The following LAMA2 variants were observed in gnomAD, a reference collection of about 807,000 sequenced individuals.
LAMA2 encodes the protein laminin subunit alpha 2, also known as laminin subunit alpha-2.
LAMA2 carries 269 observed loss-of-function variants against 364.8 expected under a neutral mutation model. The observed-to-expected ratio is 0.74, with a 90% CI of 0.67 to 0.82. The LOEUF is 0.82. LAMA2 is among the 40% of genes least tolerant of loss of function. The pLI is 0.00. For synonymous variants in LAMA2, 1,379 were observed against 1,370.6 expected, an observed-to-expected ratio of 1.01 and a Z score of -0.14; for missense variants, 3,807 against 3,873.2, an observed-to-expected ratio of 0.98 and a Z score of 0.45.
At chr6:128,979,788 T>G (rs1782753319) in intron 1 of LAMA2, among the ~76,000 whole-genome samples, 1 of 152,220 alleles carries the variant, frequency 6.6e-6, no homozygotes, top group African/African-American at 2.4e-5. Flanking sequence ...CAGCAAAGCT[T>G]AACAGACTAA....
intron 17 of LAMA2, among the ~76,000 whole-genome samples, chr6:129,277,698 C>T (rs1382615033): frequency 6.6e-6 from 1 of 152,048 alleles, no homozygotes; most frequent in Non-Finnish European, 1.5e-5. Flanking sequence ...CTGTGCCTGC[C>T]CTAACCAGCT....
chr6:128,897,341 A>G (rs191381867), intron 1 of LAMA2, among the ~76,000 whole-genome samples: 149 of 151,456 alleles, frequency 9.8e-4, no homozygotes, highest in Non-Finnish European at 1.9e-3. Flanking sequence ...TTTTTTTTTT[A>G]AAGACTCCTT....
chr6:129,416,098 G>A lies in LAMA2; in HGVS notation c.5866-11654G>A, dbSNP rs546691420. ...CAAGTAGCTGGGACTACAGGCGCCC[G>A]CCACTACGCCCGGCTAATTTTTTTG... is the stretch of plus-strand genomic sequence containing the variant. On this transcript the variant is annotated intron_variant, in intron 40 of 64. Coordinates refer to ENST00000421865, the MANE Select transcript of LAMA2 (RefSeq NM_000426.4). 1.6e-4 allele frequency among the ~76,000 whole-genome samples: 15 copies of A among 96,354 alleles called. 5 individuals are homozygous for A. In the South Asian group the frequency reaches 3.6e-3, roughly 23 times the overall value. The allele number at this position is 96,354 out of a possible 152,430, so 63.2% of individuals were successfully genotyped here. A position where few individuals can be genotyped will look rare whatever the true frequency, so the allele number is the denominator to read the frequency against.
At chr6:129,280,562 A>G (rs1788650770) in intron 18 of LAMA2, among the ~76,000 whole-genome samples, 2 of 152,156 alleles carry the variant, frequency 1.3e-5, no homozygotes, top group Non-Finnish European at 2.9e-5. Flanking sequence ...GTGGTTCATA[A>G]TTTACTTTAA....
At chr6:129,461,246 G>A (rs1245515080) in intron 49 of LAMA2, among the ~76,000 whole-genome samples, 6 of 151,914 alleles carry the variant, frequency 3.9e-5, no homozygotes, top group Non-Finnish European at 5.9e-5. Flanking sequence ...ATATACATAC[G>A]TTTCTAGGAC....
chr6:128,984,027 G>A (rs1410342902), intron 1 of LAMA2, among the ~76,000 whole-genome samples: 1 of 152,050 alleles, frequency 6.6e-6, no homozygotes, highest in African/African-American at 2.4e-5. Context: ...TCAGAACCTA[G>A]TAAACATTGC....
chr6:129,427,003 A>G (rs1287295295), intron 40 of LAMA2, among the ~76,000 whole-genome samples: 1 of 152,342 alleles, frequency 6.6e-6, no homozygotes, highest in East Asian at 1.9e-4. Flanking sequence ...CTCTTGGTAT[A>G]TATGAATTAT....
chr6:128,903,978 C>A (rs928854980), intron 1 of LAMA2, among the ~76,000 whole-genome samples: 7 of 152,140 alleles, frequency 4.6e-5, no homozygotes, highest in African/African-American at 1.7e-4. Flanking sequence ...CTCAAAGGAG[C>A]CCTTAGAGTG....
intron 35 of LAMA2, among the ~76,000 whole-genome samples, chr6:129,391,265 G>A (rs921874391): frequency 6.6e-6 from 1 of 152,012 alleles, no homozygotes; most frequent in Non-Finnish European, 1.5e-5. Context: ...GAAACACCAT[G>A]CTTTAATTGC....
At chr6:129,380,413 A>T (rs889237177) in intron 34 of LAMA2, among the ~76,000 whole-genome samples, 4 of 152,186 alleles carry the variant, frequency 2.6e-5, no homozygotes, top group African/African-American at 9.7e-5. Context: ...AGCTGGATAT[A>T]TGATAAACAA....
At chr6:128,888,914 T>C (rs1776294803) in intron 1 of LAMA2, among the ~76,000 whole-genome samples, 1 of 152,224 alleles carries the variant, frequency 6.6e-6, no homozygotes, top group African/African-American at 2.4e-5. Context: ...TTTAGATTTA[T>C]CTCTTGTCCC....
chr6:129,103,090 C>T (rs1477398023), intron 4 of LAMA2, among the ~76,000 whole-genome samples: 1 of 152,224 alleles, frequency 6.6e-6, no homozygotes, highest in Non-Finnish European at 1.5e-5. Flanking sequence ...CAAAAGCTGT[C>T]ACAACGTACC....
At chr6:129,467,106 T>C (rs1311613475) in intron 51 of LAMA2, among the ~76,000 whole-genome samples, 1 of 151,636 alleles carries the variant, frequency 6.6e-6, no homozygotes, top group Non-Finnish European at 1.5e-5. Flanking sequence ...ACAACCTAAA[T>C]GTCCATCAAC....
chr6:129,067,944 C>A (rs574617568), intron 3 of LAMA2, among the ~76,000 whole-genome samples: 2 of 152,304 alleles, frequency 1.3e-5, no homozygotes, highest in East Asian at 3.9e-4. Context: ...AACCACTTTC[C>A]TGCTTTATTT....
chr6:129,319,924 AC>A (rs1321160021), intron 27 of LAMA2, among the ~76,000 whole-genome samples: 2 of 152,100 alleles, frequency 1.3e-5, no homozygotes, highest in African/African-American at 4.8e-5. Flanking sequence ...CTTGAGGTCA[AC>A]AGTTCAAGAC....
chr6:129,124,561 G>T, intron 4 of LAMA2, among the ~76,000 whole-genome samples: 1 of 152,146 alleles, frequency 6.6e-6, no homozygotes, highest in East Asian at 1.9e-4. Flanking sequence ...AGCTTATGCT[G>T]CTTCCTGGGC....
chr6:129,106,323 CTG>C (rs1775822996), intron 4 of LAMA2, among the ~76,000 whole-genome samples: 1 of 151,920 alleles, frequency 6.6e-6, no homozygotes, highest in Non-Finnish European at 1.5e-5. Context: ...AAACCCAAGA[CTG>C]TATTAAAAAA....
chr6:129,005,415 C>A (rs188976405), intron 1 of LAMA2, among the ~76,000 whole-genome samples: 1 of 152,028 alleles, frequency 6.6e-6, no homozygotes, highest in East Asian at 1.9e-4. Context: ...GATTTACTAA[C>A]ATTCTCATCA....
At chr6:129,387,347 A>G (rs1408389115) in intron 35 of LAMA2, among the ~76,000 whole-genome samples, 1 of 152,244 alleles carries the variant, frequency 6.6e-6, no homozygotes, top group Non-Finnish European at 1.5e-5. Flanking sequence ...AGTCAAAACC[A>G]CAATGAGATA....
Sources: gnomAD v4.1 joint callset for allele counts (sites outside exome capture counted in the v4.1 genomes callset) on GRCh38, gnomAD v4.1.1 for gene constraint, MANE v1.5 for transcripts, NCBI Gene and HGNC (gene_info 2026-07-23, HGNC 2026-07-21) for gene names.